The following SART3 variants were observed in gnomAD, a reference collection of about 807,000 sequenced individuals.
The protein encoded by SART3 is spliceosome associated factor 3, U4/U6 recycling protein.
Under a neutral mutation model 122.3 loss-of-function variants are expected in SART3, and 44 were observed. The ratio of observed to expected loss-of-function variants is 0.36; its 90% CI spans 0.28 to 0.46. The LOEUF (loss-of-function observed/expected upper bound fraction) is 0.46, where lower values mean the gene tolerates loss of function less well. Ranked by LOEUF, SART3 falls within the 20% of genes least tolerant of loss-of-function variation. SART3 has a pLI of 1.00. For missense variants in SART3, 1,101 were observed against 1,229.0 expected (o/e 0.90, Z 1.56); for synonymous variants, 442 against 454.0 (o/e 0.97, Z 0.34).
intron 18 of SART3, chr12:108,524,010 G>A: frequency 1.8e-6 from 1 of 550,836 alleles, no homozygotes; most frequent in East Asian, 3.2e-5. Flanking sequence ...ATGGGTATGA[G>A]ATTTCTTTGT....
At position 108,544,858 on chromosome 12, in the gene SART3, C is replaced by T. The variant is rs1353613392; in HGVS notation, c.729+281G>A. Reference sequence around the variant, plus strand: ...GGAATTACAAGCATGAGCCACCGCACTTGGCCAACTCTGGTTCTTTCTACT... The same window carrying T: ...GGAATTACAAGCATGAGCCACCGCATTTGGCCAACTCTGGTTCTTTCTACT... On this transcript the variant is annotated intron_variant, in intron 4 of 18. Transcript: ENST00000546815. 17 of 575,846 alleles carry T rather than the reference C, an allele frequency of 3.0e-5. No homozygotes were observed. The Admixed American group carries it at 4.5e-4, about 15-fold the overall frequency. The allele number at this position is 575,846 out of a possible 1,614,324, so 35.7% of individuals were successfully genotyped here.
At chr12:108,537,269 G>C (rs987161246) in intron 9 of SART3, 31 of 532,410 alleles carry the variant, frequency 5.8e-5, no homozygotes, top group Non-Finnish European at 1.0e-4. Flanking sequence ...GACTAAAAAG[G>C]CTGGCAGGAG....
At chr12:108,550,985 T>C (rs961918922) in intron 1 of SART3, among the ~76,000 whole-genome samples, 1 of 152,222 alleles carries the variant, frequency 6.6e-6, no homozygotes, top group African/African-American at 2.4e-5. Context: ...TTGGTCTGAA[T>C]AAACCAACAA....
intron 15 of SART3, among the ~76,000 whole-genome samples, chr12:108,528,994 A>G (rs1435783126): frequency 6.6e-6 from 1 of 152,100 alleles, no homozygotes; most frequent in Non-Finnish European, 1.5e-5. Flanking sequence ...ATGATGGTGC[A>G]TGCCTGTAAT....
At position 108,524,370 on chromosome 12, in the gene SART3, G is replaced by A. The variant is rs200671472; in HGVS notation, c.2660C>T (p.Pro887Leu). 2.5e-6 allele frequency: 4 copies of A among 1,614,148 alleles called. No homozygotes were observed. The highest frequency in any genetic ancestry group is 1.3e-5 in the African/African-American group (1 of 75,022). ...NPPQRKVPEKPETRKAPGGPM... is the reference protein window; with the variant it reads ...NPPQRKVPEKLETRKAPGGPM... ...GCCACCTGGTGCCTTCCTGGTCTCC[G>A]GCTTCTCTGGAACTTTCCTCTGAGG... The change falls in exon 18 of 19, where the codon CCG becomes CTG. Residue 887 changes from proline (P) to leucine (L), a missense_variant. Physicochemically the swap from Pro to Leu is moderately conservative, Grantham distance 98. Transcript: ENST00000546815.
chr12:108,525,833 CAG>C lies in SART3; in HGVS notation c.2371-226_2371-225del, dbSNP rs1451579625. 7 of 629,320 alleles carry C rather than the reference CAG, an allele frequency of 1.1e-5. No homozygotes were observed. The Admixed American group carries it at 1.9e-4, about 17-fold the overall frequency. 39.0% of individuals were successfully genotyped at this position (629,320 alleles called of 1,614,324 possible). ...CGGCAAGAATAAAAGTAACCATTCA[CAG>C]AGTCTCATGAGGAGTCAATGAGCTG... On this transcript the variant is annotated intron_variant, in intron 16 of 18. Transcript: ENST00000546815.
chr12:108,525,333 T>A (rs1872321219), intron 17 of SART3, 124 bp downstream of exon 17: 1 of 984,156 alleles, frequency 1.0e-6, no homozygotes, highest in Non-Finnish European at 1.6e-6. Flanking sequence ...TCTGTGAAAT[T>A]AACTTTTGTT....
Position 108,539,073 on chromosome 12 carries a change from G to T in SART3, c.923C>A (p.Pro308Gln), listed in dbSNP as rs1179456144. Reference sequence around the variant, plus strand: ...ATATGCTTGATATTCTGCCAGCCTTGGTGCCTCTGCCTGCAACTGGAGTAC... The same window carrying T: ...ATATGCTTGATATTCTGCCAGCCTTTGTGCCTCTGCCTGCAACTGGAGTAC... ...YEEALLQAEA[P>Q]RLAEYQAYID... Residue 308 changes from proline to glutamine, a missense_variant, in exon 7 of 19, where the codon CCA (proline) becomes CAA (glutamine). Physicochemically the swap from Pro to Gln is moderately conservative, Grantham distance 76. This residue lies in a region of SART3 where 885 missense variants were observed against 1,080.1 expected (regional missense o/e 0.82). Coordinates refer to ENST00000546815, the MANE Select transcript of SART3 (RefSeq NM_014706.4). 6.2e-7 allele frequency: 1 copy of T among 1,614,068 alleles called. No individual in the cohort carries two copies. The highest frequency in any genetic ancestry group is 1.1e-5 in the South Asian group (1 of 91,076).
At chr12:108,531,797 T>C (rs1419087371) in intron 13 of SART3, 3 of 286,870 alleles carry the variant, frequency 1.0e-5, no homozygotes, top group East Asian at 8.9e-5. Context: ...GCTCCTTTGT[T>C]GGATAGATGT....
intron 15 of SART3, 68 bp from the exon 16 acceptor site, chr12:108,526,621 G>A: frequency 6.5e-7 from 1 of 1,538,614 alleles, no homozygotes; most frequent in South Asian, 1.1e-5. Context: ...TTGAACAGAG[G>A]TGTGAAGTGA....
intron 5 of SART3, among the ~76,000 whole-genome samples, 184 bp downstream of exon 5, chr12:108,544,243 T>C (rs1873302536): frequency 6.6e-6 from 1 of 152,190 alleles, no homozygotes; most frequent in Admixed American, 6.5e-5. Context: ...CACAACCCTC[T>C]TAAGCACTAA....
intron 1 of SART3, among the ~76,000 whole-genome samples, chr12:108,558,053 G>T (rs935004163): frequency 6.6e-6 from 1 of 151,984 alleles, no homozygotes; most frequent in Non-Finnish European, 1.5e-5. Flanking sequence ...CCTGTAGTCC[G>T]AGATACTTTG....
At chr12:108,537,936 C>G (rs1473064222) in intron 8 of SART3, 129 bp downstream of exon 8, 1 of 1,132,440 alleles carries the variant, frequency 8.8e-7, no homozygotes, top group African/African-American at 1.5e-5. Flanking sequence ...CACTCAGAGC[C>G]CTTTTTGTCA....
chr12:108,547,470 C>T (rs1321356411), intron 3 of SART3, among the ~76,000 whole-genome samples: 1 of 152,180 alleles, frequency 6.6e-6, no homozygotes, highest in Non-Finnish European at 1.5e-5. Context: ...AGGGAGTACA[C>T]AAGACTTCTC....
chr12:108,551,222 G>A (rs59193528), intron 1 of SART3, among the ~76,000 whole-genome samples: 3,969 of 152,214 alleles, frequency 0.026, 171 homozygotes, highest in African/African-American at 0.091. Context: ...TCAGAGCAAA[G>A]AAAATTACTA....
chr12:108,525,393 A>T, intron 17 of SART3, 64 bp downstream of exon 17: 1 of 1,572,970 alleles, frequency 6.4e-7, no homozygotes, highest in Non-Finnish European at 8.7e-7. Flanking sequence ...TCATCTTTGA[A>T]CCGATACAGA....
intron 6 of SART3, 99 bp from the exon 7 acceptor site, chr12:108,539,188 T>C: frequency 8.2e-7 from 1 of 1,225,870 alleles, no homozygotes; most frequent in Non-Finnish European, 1.2e-6. Flanking sequence ...ACAGTAACTA[T>C]GAATCGCCAA....
intron 3 of SART3, among the ~76,000 whole-genome samples, chr12:108,545,858 C>G (rs1873386628): frequency 1.3e-5 from 2 of 149,784 alleles, no homozygotes; most frequent in African/African-American, 4.9e-5. Context: ...CCCAGCTACT[C>G]AGGAGGCTGA....
At position 108,546,779 on chromosome 12, in the gene SART3, C is replaced by G. The variant is rs534714060; in HGVS notation, c.544+1108G>C. Among the ~76,000 whole-genome samples, 57 of 152,268 alleles carry G rather than the reference C, an allele frequency of 3.7e-4. 1 individual carries two copies. In the East Asian group the frequency reaches 6.4e-3, roughly 17 times the overall value. ...CAAGGGATCCGCCTGCCTCAGTCTC[C>G]CAAACTGCTGGGATTATAGGCATAA... is the stretch of plus-strand genomic sequence containing the variant. On this transcript the variant is annotated intron_variant, in intron 3 of 18. Transcript: ENST00000546815.
Sources: gnomAD v4.1 joint callset for allele counts (sites outside exome capture counted in the v4.1 genomes callset) on GRCh38, gnomAD v4.1.1 for gene constraint, gnomAD v4.1.1 regional missense constraint, MANE v1.5 for transcripts, NCBI Gene and HGNC (gene_info 2026-07-23, HGNC 2026-07-21) for gene names.